Variants in CDKL5 observed in about 807,000 individuals in gnomAD.
CDKL5 encodes cyclin dependent kinase like 5.
Under a neutral mutation model 61.7 loss-of-function variants are expected in CDKL5, and 8 were observed. The ratio of observed to expected loss-of-function variants is 0.13; its 90% CI spans 0.08 to 0.23. CDKL5 has a LOEUF of 0.23. CDKL5 is among the 10% of genes least tolerant of loss of function. The pLI, the probability that CDKL5 is intolerant of heterozygous loss-of-function variation, is 1.00. For synonymous variants in CDKL5, 275 were observed against 272.3 expected (o/e 1.01, Z -0.10); for missense variants, 440 against 734.5 (o/e 0.60, Z 4.63).
At chrX:18,620,643 G>A (rs754781876) in intron 16 of CDKL5, among the ~76,000 whole-genome samples, 2 of 111,797 alleles carry the variant, frequency 1.8e-5, no homozygotes, top group East Asian at 2.8e-4. Context: ...GGGGAAACCC[G>A]GCCTGTAGGA....
intron 1 of CDKL5, among the ~76,000 whole-genome samples, chrX:18,431,423 C>CTTTTCTTTTTTTTTTT (rs1931484876): frequency 2.2e-4 from 21 of 95,507 alleles, no homozygotes; most frequent in African/African-American, 7.6e-4. Flanking sequence ...GATTTCTTTT[C>CTTTTCTTTTTTTTTTT]TTTTTTTTTT....
intron 3 of CDKL5, among the ~76,000 whole-genome samples, chrX:18,543,759 A>G (rs1369932443): frequency 9.0e-6 from 1 of 111,665 alleles, no homozygotes; most frequent in Admixed American, 9.5e-5. Flanking sequence ...GTAGAGTTCA[A>G]AGACCTGTGG....
chrX:18,480,411 A>G (rs931575825), intron 1 of CDKL5, among the ~76,000 whole-genome samples: 3 of 111,917 alleles, frequency 2.7e-5, no homozygotes, highest in African/African-American at 9.7e-5. Flanking sequence ...GCTTATCACT[A>G]TTGATGTTAA....
At chrX:18,555,329 T>A (rs1296541502) in intron 3 of CDKL5, among the ~76,000 whole-genome samples, 2 of 112,169 alleles carry the variant, frequency 1.8e-5, no homozygotes, top group African/African-American at 6.5e-5. Flanking sequence ...ATACAGATTG[T>A]ATTTTTTTTA....
At chrX:18,564,049 G>C (rs898993826) in intron 3 of CDKL5, among the ~76,000 whole-genome samples, 2 of 111,473 alleles carry the variant, frequency 1.8e-5, no homozygotes, top group African/African-American at 6.5e-5. Context: ...ATGCTTGTTA[G>C]CATTCTGCTA....
chrX:18,616,941 A>G (rs772529938), intron 15 of CDKL5, among the ~76,000 whole-genome samples: 1 of 110,939 alleles, frequency 9.0e-6, no homozygotes, highest in African/African-American at 3.3e-5. Context: ...AAGCCTGACC[A>G]TGATGCTCCC....
At chrX:18,509,091 AACACACACACACACACAC>A (rs34278137) in intron 2 of CDKL5, among the ~76,000 whole-genome samples, 2 of 74,880 alleles carry the variant, frequency 2.7e-5, no homozygotes, top group Non-Finnish European at 5.4e-5. Flanking sequence ...ACTGTCTCAA[AACACACACACACACACAC>A]ACACACACAC....
At chrX:18,550,661 G>T (rs1215840060) in intron 3 of CDKL5, among the ~76,000 whole-genome samples, 1 of 112,272 alleles carries the variant, frequency 8.9e-6, no homozygotes, top group Non-Finnish European at 1.9e-5. Flanking sequence ...TAAGTCCAAT[G>T]ATTATCTGAG....
intron 3 of CDKL5, among the ~76,000 whole-genome samples, chrX:18,560,799 A>G (rs868432701): frequency 1.0e-5 from 1 of 95,748 alleles, no homozygotes; most frequent in Non-Finnish European, 2.1e-5. Context: ...ACACACACAC[A>G]CTCCTCTAAA....
chrX:18,630,273 A>C lies in CDKL5; in HGVS notation c.*1516A>C, dbSNP rs1569225796. Reference sequence around the variant, plus strand: ...CCCAAGTTACTCCCAAGTATCATCAAACCCTTTGGCCATCAAGTGTTATCC... The same window carrying C: ...CCCAAGTTACTCCCAAGTATCATCACACCCTTTGGCCATCAAGTGTTATCC... On this transcript the variant is annotated 3_prime_UTR_variant, in exon 18 of 18. Transcript: ENST00000623535. The C allele has an allele frequency of 1.3e-6, 1 of 751,135 alleles. No individual in the cohort carries two copies. The highest frequency in any genetic ancestry group is 1.6e-6 in the Non-Finnish European group (1 of 638,604). 61.9% of individuals were successfully genotyped at this position (751,135 alleles called of 1,213,427 possible). A position where few individuals can be genotyped will look rare whatever the true frequency, so the allele number is the denominator to read the frequency against.
intron 9 of CDKL5, chrX:18,589,507 A>G (rs1234917130): frequency 9.0e-6 from 1 of 111,322 alleles, no homozygotes; most frequent in Non-Finnish European, 1.9e-5. Flanking sequence ...TCCATGGTGT[A>G]TATGTGCCAC....
chrX:18,525,878 T>C (rs1212291376), intron 3 of CDKL5, among the ~76,000 whole-genome samples: 2 of 109,037 alleles, frequency 1.8e-5, no homozygotes, highest in Non-Finnish European at 3.8e-5. Context: ...TCCCGAGTAG[T>C]TGGGATTGCA....
chrX:18,574,717 A>G (rs1299337923), intron 4 of CDKL5, among the ~76,000 whole-genome samples: 1 of 111,589 alleles, frequency 9.0e-6, no homozygotes, highest in Non-Finnish European at 1.9e-5. Flanking sequence ...CAGGGAGGAC[A>G]GCAGGAACCT....
rs775039848 is a variant in CDKL5, at chrX:18,522,200, C to A, written c.99+11346C>A. ...TTCCATATATTTAAGTGTTTAACTT[C>A]TTTTAGCAATGTTTTGTAGTTTTCA... On this transcript the variant is annotated intron_variant, in intron 3 of 17. Coordinates refer to ENST00000623535, the MANE Select transcript of CDKL5 (RefSeq NM_001323289.2). 6.3e-5 allele frequency among the ~76,000 whole-genome samples: 7 copies of A among 110,568 alleles called. No homozygotes were observed. In the South Asian group the frequency reaches 2.7e-3, roughly 42 times the overall value.
rs750768386 is a variant in CDKL5 at position 18,581,372 on chromosome X, G to C, written c.404-519G>C. Among the ~76,000 whole-genome samples, 5 of 111,897 alleles carry C rather than the reference G, an allele frequency of 4.5e-5. No individual in the cohort carries two copies. The East Asian group carries it at 1.1e-3, about 25-fold the overall frequency. On this transcript the variant is annotated intron_variant, in intron 6 of 17. Transcript: ENST00000623535. ...CAGTATGGCTTCAGCATTAGACATTGATAATTGTGAACCATGCAGAAAAGC... is the reference window on the plus strand; with the variant it reads ...CAGTATGGCTTCAGCATTAGACATTCATAATTGTGAACCATGCAGAAAAGC...
intron 4 of CDKL5, among the ~76,000 whole-genome samples, chrX:18,572,664 A>G (rs185931034): frequency 4.5e-5 from 5 of 112,139 alleles, no homozygotes; most frequent in Admixed American, 2.8e-4. Flanking sequence ...CAAAGTGCCT[A>G]TTGTTTGCCC....
Position 18,527,241 on chromosome X carries a change from A to T in CDKL5, c.99+16387A>T, listed in dbSNP as rs190848177. 7.5e-3 allele frequency among the ~76,000 whole-genome samples: 834 copies of T among 111,902 alleles called. 9 individuals carry two copies. The highest frequency in any genetic ancestry group is 0.025 in the African/African-American group (771 of 30,800). Reference sequence around the variant, plus strand: ...ATATTTAGCTTATTTTGGTATTAGGATGATACTGACCTCATAGAATGAGTT... The same window carrying T: ...ATATTTAGCTTATTTTGGTATTAGGTTGATACTGACCTCATAGAATGAGTT... On this transcript the variant is annotated intron_variant, in intron 3 of 17. Coordinates refer to ENST00000623535, the MANE Select transcript of CDKL5 (RefSeq NM_001323289.2).
At chrX:18,645,465 G>A (rs967672338) in intron 19 of CDKL5, among the ~76,000 whole-genome samples, 7 of 107,674 alleles carry the variant, frequency 6.5e-5, no homozygotes, top group African/African-American at 1.7e-4. Flanking sequence ...CAGACCCCAC[G>A]TCTCTGAGTT....
chrX:18,444,106 T>C (rs1490133281), intron 1 of CDKL5: 10 of 108,155 alleles, frequency 9.2e-5, no homozygotes, highest in African/African-American at 2.0e-4. Context: ...TATCTCTAGG[T>C]GTGGATTTGT....
Sources: allele counts gnomAD v4.1 joint callset (sites outside exome capture counted in the v4.1 genomes callset), GRCh38; gene constraint gnomAD v4.1.1; transcripts MANE v1.5; gene names NCBI Gene and HGNC (gene_info 2026-07-23, HGNC 2026-07-21).